The following CIMIP6 variants were observed in gnomAD, a reference collection of about 807,000 sequenced individuals.
CIMIP6 encodes the protein ciliary microtubule inner protein 6.
the CIMIP6 span, among the ~76,000 whole-genome samples, chr2:54,337,976 A>T: frequency 1.4e-4 from 21 of 152,242 alleles, no homozygotes; most frequent in African/African-American, 4.1e-4. Flanking sequence ...ACAAAAAAAT[A>T]AAAATAAAAA....
chr2:54,369,170 T>C, the CIMIP6 span, among the ~76,000 whole-genome samples: 2 of 152,138 alleles, frequency 1.3e-5, no homozygotes, highest in Middle Eastern at 3.2e-3. Flanking sequence ...ACCAAAACAC[T>C]GCGAAAGGCA....
chr2:54,380,375 C>T, the CIMIP6 span, among the ~76,000 whole-genome samples: 14 of 152,166 alleles, frequency 9.2e-5, no homozygotes, highest in Non-Finnish European at 1.5e-4. Flanking sequence ...TACATCTGAC[C>T]GCCTCCCCAT....
chr2:54,364,443 T>C, the CIMIP6 span, among the ~76,000 whole-genome samples: 3 of 152,366 alleles, frequency 2.0e-5, no homozygotes, highest in South Asian at 2.1e-4. Context: ...TAAATTTGTA[T>C]ATGTTAAGTA....
chr2:54,334,969 G>T, the CIMIP6 span: 1 of 1,605,160 alleles, frequency 6.2e-7, no homozygotes, highest in South Asian at 1.1e-5. Context: ...ACAAATGCAA[G>T]AACATACAAT....
the CIMIP6 span, among the ~76,000 whole-genome samples, chr2:54,338,974 ACC>A: frequency 0.038 from 2,443 of 63,678 alleles, 919 homozygotes; most frequent in African/African-American, 0.12. Flanking sequence ...ACATGGTGAG[ACC>A]CCCCCCCATC....
the CIMIP6 span, among the ~76,000 whole-genome samples, chr2:54,335,752 G>C: frequency 6.6e-6 from 1 of 152,150 alleles, no homozygotes; most frequent in African/African-American, 2.4e-5. Flanking sequence ...ATCTAGCTTA[G>C]AAGTCCAAAA....
chr2:54,337,770 A>T, the CIMIP6 span, among the ~76,000 whole-genome samples: 1 of 152,164 alleles, frequency 6.6e-6, no homozygotes, highest in African/African-American at 2.4e-5. Context: ...GACCTTTAAG[A>T]GATGGTGAAA....
the CIMIP6 span, chr2:54,334,689 A>G: frequency 2.1e-5 from 14 of 679,978 alleles, no homozygotes; most frequent in Non-Finnish European, 3.2e-5. Flanking sequence ...ACAAACCCTT[A>G]TAACTATTAA....
chr2:54,379,706 G>A, the CIMIP6 span, among the ~76,000 whole-genome samples: 1 of 151,952 alleles, frequency 6.6e-6, no homozygotes. Flanking sequence ...GCCAGGCATG[G>A]TGACTCATGC....
chr2:54,358,947 T>C, the CIMIP6 span: 1 of 1,414,426 alleles, frequency 7.1e-7, no homozygotes, highest in Non-Finnish European at 9.6e-7. Context: ...CTTCACAAAA[T>C]CTTTTTTTTA....
At chr2:54,354,969 A>G in the CIMIP6 span, among the ~76,000 whole-genome samples, 1 of 152,080 alleles carries the variant, frequency 6.6e-6, no homozygotes, top group Non-Finnish European at 1.5e-5. Flanking sequence ...TATATCAGAC[A>G]TCCTCTTTGA....
the CIMIP6 span, among the ~76,000 whole-genome samples, chr2:54,349,139 TA>T: frequency 2.0e-5 from 3 of 152,240 alleles, no homozygotes; most frequent in Non-Finnish European, 4.4e-5. Context: ...GTGGTAAAAT[TA>T]ATTTTCTAAA....
chr2:54,362,422 A>C, the CIMIP6 span, among the ~76,000 whole-genome samples: 1 of 152,156 alleles, frequency 6.6e-6, no homozygotes, highest in Non-Finnish European at 1.5e-5. Context: ...AGAAAATTTT[A>C]TTATGTTGCC....
the CIMIP6 span, chr2:54,343,733 C>T: frequency 5.0e-6 from 8 of 1,593,910 alleles, no homozygotes; most frequent in Non-Finnish European, 4.3e-6. Flanking sequence ...GACTGGTGGT[C>T]ACATGGTAAA....
the CIMIP6 span, among the ~76,000 whole-genome samples, chr2:54,376,196 T>A: frequency 4.1e-5 from 6 of 145,030 alleles, no homozygotes; most frequent in East Asian, 1.3e-3. Context: ...CCACCATGCC[T>A]GGCTGATTTC....
At chr2:54,345,387 C>T in the CIMIP6 span, among the ~76,000 whole-genome samples, 2 of 152,160 alleles carry the variant, frequency 1.3e-5, no homozygotes, top group African/African-American at 4.8e-5. Flanking sequence ...TAGATTTCCC[C>T]TCACCTCAAA....
chr2:54,360,149 T>C, the CIMIP6 span: 25 of 1,472,812 alleles, frequency 1.7e-5, no homozygotes, highest in East Asian at 6.1e-4. Flanking sequence ...CACAGCTGCA[T>C]CTTCCAGCAA....
At chr2:54,369,716 C>T in the CIMIP6 span, among the ~76,000 whole-genome samples, 20 of 152,126 alleles carry the variant, frequency 1.3e-4, no homozygotes, top group African/African-American at 4.8e-4. Flanking sequence ...ATTTCCCAGG[C>T]CACAAGGTAG....
chr2:54,353,839 C>A, the CIMIP6 span, among the ~76,000 whole-genome samples: 1 of 152,114 alleles, frequency 6.6e-6, no homozygotes, highest in Non-Finnish European at 1.5e-5. Flanking sequence ...CCCATGGTGT[C>A]TTTCATCGAG....
Sources: gnomAD v4.1 joint callset for allele counts (sites outside exome capture counted in the v4.1 genomes callset) on GRCh38, gnomAD v4.1.1 for gene constraint, MANE v1.5 for transcripts, NCBI Gene and HGNC (gene_info 2026-07-23, HGNC 2026-07-21) for gene names.